Variants in DNAH6 observed in about 807,000 individuals in gnomAD.
DNAH6 encodes the protein axonemal beta dynein heavy chain 6.
A neutral mutation model predicts 491.4 loss-of-function variants in DNAH6; 340 were observed. The ratio of observed to expected loss-of-function variants is 0.69; its 90% CI spans 0.63 to 0.76. The LOEUF is 0.76. Among genes scored for constraint, DNAH6 ranks in the 30% least tolerant of loss-of-function variants. The pLI, the probability that DNAH6 is intolerant of heterozygous loss-of-function variation, is 0.00. For synonymous variants in DNAH6, 1,603 were observed against 1,686.1 expected, an observed-to-expected ratio of 0.95 and a Z score of 1.21; for missense variants, 4,443 against 4,972.2, an observed-to-expected ratio of 0.89 and a Z score of 3.20.
intron 64 of DNAH6, among the ~76,000 whole-genome samples, chr2:84,776,708 T>C (rs1354191193): frequency 1.3e-5 from 2 of 152,234 alleles, no homozygotes; most frequent in African/African-American, 4.8e-5. Context: ...CCTGACTTTT[T>C]AATGATACCA....
chr2:84,564,746 T>C (rs943122802), intron 11 of DNAH6, among the ~76,000 whole-genome samples: 10 of 152,128 alleles, frequency 6.6e-5, no homozygotes, highest in Non-Finnish European at 1.3e-4. Context: ...GTGGTAAGGG[T>C]GAGCATCCTT....
At chr2:84,485,680 C>T in the DNAH6 span, among the ~76,000 whole-genome samples, 2 of 152,062 alleles carry the variant, frequency 1.3e-5, no homozygotes, top group Non-Finnish European at 2.9e-5. Context: ...CCCTCCCAAA[C>T]TCTTCCTAAA....
chr2:84,566,946 T>C (rs760012022), intron 11 of DNAH6, among the ~76,000 whole-genome samples: 7 of 152,020 alleles, frequency 4.6e-5, no homozygotes, highest in Non-Finnish European at 8.8e-5. Flanking sequence ...TAAAATTAGA[T>C]CTATGGTTCA....
intron 70 of DNAH6, among the ~76,000 whole-genome samples, chr2:84,801,701 C>T (rs7556750): frequency 0.021 from 3,214 of 151,826 alleles, 114 homozygotes; most frequent in African/African-American, 0.073. Flanking sequence ...CTGGGCAACA[C>T]GGTGAAATCC....
intron 74 of DNAH6, 64 bp downstream of exon 74, chr2:84,813,194 A>C: frequency 8.3e-7 from 1 of 1,208,134 alleles, no homozygotes; most frequent in South Asian, 1.3e-5. Flanking sequence ...CAGGGTTTTG[A>C]GGTGCTGGGG....
At chr2:84,694,536 G>T in intron 46 of DNAH6, 56 bp downstream of exon 46, 1 of 1,303,556 alleles carries the variant, frequency 7.7e-7, no homozygotes. Flanking sequence ...TGTTACAATC[G>T]GGTGTGTGCT....
chr2:84,681,325 C>G, intron 41 of DNAH6, 32 bp from the exon 42 acceptor site: 1 of 1,463,802 alleles, frequency 6.8e-7, no homozygotes, highest in Non-Finnish European at 9.1e-7. Context: ...TAAAATAAAT[C>G]TAATCCTCTC....
At chr2:84,511,347 T>TCCATGGGCATAGGACTCTCCAAG in the DNAH6 span, among the ~76,000 whole-genome samples, 1 of 146,736 alleles carries the variant, frequency 6.8e-6, no homozygotes, top group Non-Finnish European at 1.5e-5. Flanking sequence ...TGAGTGAGGC[T>TCCATGGGCATAGGACTCTCCAAG]CCATGGGCAT....
At chr2:84,636,918 T>C (rs1372062291) in intron 30 of DNAH6, among the ~76,000 whole-genome samples, 1 of 151,378 alleles carries the variant, frequency 6.6e-6, no homozygotes, top group Admixed American at 6.6e-5. Flanking sequence ...GAAAGTTGAA[T>C]TGAAGAGGCT....
chr2:84,601,635 T>C (rs79481020), intron 18 of DNAH6, among the ~76,000 whole-genome samples: 1,733 of 29,774 alleles, frequency 0.058, 32 homozygotes, highest in African/African-American at 0.21. Context: ...TAGCATAGAA[T>C]TGATTCCTAT....
the DNAH6 span, among the ~76,000 whole-genome samples, chr2:84,476,790 T>C: frequency 6.6e-6 from 1 of 152,222 alleles, no homozygotes; most frequent in Admixed American, 6.5e-5. Flanking sequence ...TACAGAGTGT[T>C]AACAAATTCT....
Position 84,529,006 on chromosome 2 carries a change from C to T in DNAH6, c.502C>T (p.Pro168Ser), listed in dbSNP as rs1345803200. 1 of 1,551,068 alleles carries T rather than the reference C, an allele frequency of 6.4e-7. No homozygotes were observed. Among genetic ancestry groups the T allele is most frequent in the Admixed American group, 2.0e-5 (1 of 50,954 alleles). Residue 168 changes from proline (P) to serine (S), a missense_variant, in exon 4 of 77, where the codon CCT becomes TCT. Pro to Ser is a moderately conservative substitution (Grantham distance 74). Coordinates refer to ENST00000389394, the MANE Select transcript of DNAH6 (RefSeq NM_001370.2). ...CTTTGGGACTAGATCTTCAGCTTAC[C>T]CTAAGTACACTTTTCACGACCGAGA... Reference protein sequence around the residue: ...GLFGTRSSAYPKYTFHDREEV... With the variant: ...GLFGTRSSAYSKYTFHDREEV...
In DNAH6 at chr2:84,658,429, A is replaced by T. The variant is rs1323421804; in HGVS notation, c.5895A>T (p.Leu1965Phe). The stretch of plus-strand genomic sequence containing the variant: ...GCAAAGTTACTACACTCTGTTGCTT[A>T]TTGGAGTCCTTGATACTTGGGAAAG... ...DISKVTTLCC[L>F]LESLILGKDG... The change falls in exon 36 of 77, where the codon TTA becomes TTT. Residue 1965 changes from leucine (L) to phenylalanine (F), a missense_variant. Physicochemically the swap from Leu to Phe is conservative, Grantham distance 22 (BLOSUM62 0). Around this residue, in one of 3 missense-constraint regions of DNAH6, gnomAD observed 2,977 missense variants for 3,296.6 expected, o/e 0.90. Coordinates refer to ENST00000389394, the MANE Select transcript of DNAH6 (RefSeq NM_001370.2). The T allele has an allele frequency of 6.5e-7, 1 of 1,542,474 alleles. No individual in the cohort carries two copies. The highest frequency in any genetic ancestry group is 2.5e-5 in the East Asian group (1 of 40,482).
At chr2:84,674,378 GAGC>G (rs1693027578) in intron 40 of DNAH6, among the ~76,000 whole-genome samples, 1 of 152,186 alleles carries the variant, frequency 6.6e-6, no homozygotes, top group East Asian at 1.9e-4. Context: ...AATCCAGGTA[GAGC>G]ACTTTCTGTC....
intron 40 of DNAH6, among the ~76,000 whole-genome samples, chr2:84,675,903 G>A (rs567278666): frequency 3.9e-5 from 6 of 152,140 alleles, no homozygotes; most frequent in South Asian, 2.1e-4. Flanking sequence ...CAAGTGATCC[G>A]CCTGCCTCAG....
chr2:84,609,662 A>C (rs1686135389), intron 21 of DNAH6, among the ~76,000 whole-genome samples: 1 of 141,524 alleles, frequency 7.1e-6, no homozygotes, highest in Admixed American at 7.3e-5. Flanking sequence ...ACAGATCACC[A>C]TAACAGATAT....
At chr2:84,485,405 G>A in the DNAH6 span, among the ~76,000 whole-genome samples, 2 of 151,992 alleles carry the variant, frequency 1.3e-5, no homozygotes, top group African/African-American at 2.4e-5. Flanking sequence ...AAGGAGACTG[G>A]GGCCTTTGGG....
At chr2:84,655,245 C>T (rs1573376090) in intron 35 of DNAH6, among the ~76,000 whole-genome samples, 2 of 152,110 alleles carry the variant, frequency 1.3e-5, no homozygotes, top group Admixed American at 1.3e-4. Context: ...AAAGAAAACT[C>T]ATTTACATCC....
At position 84,593,985 on chromosome 2, in the gene DNAH6, A is replaced by G. The variant is rs765819203; in HGVS notation, c.2624A>G (p.Lys875Arg). Residue 875 changes from lysine (K) to arginine (R), a missense_variant, in exon 17 of 77, where the codon AAG (lysine) becomes AGG (arginine). This residue lies in a region of DNAH6 where 2,977 missense variants were observed against 3,296.6 expected (regional missense o/e 0.90). Coordinates refer to ENST00000389394, the MANE Select transcript of DNAH6 (RefSeq NM_001370.2). The stretch of plus-strand genomic sequence containing the variant: ...ACATTTTTAAAGGTAGAAGTGTCCA[A>G]GTTTGAAGCTTTGGAAGAAGTCAGT... ...YQKNFKVEVS[K>R]FEALEEVSAE... is the part of the protein sequence containing the mutation. 6.5e-7 allele frequency: 1 copy of G among 1,547,238 alleles called. No individual in the cohort carries two copies. The highest frequency in any genetic ancestry group is 8.7e-7 in the Non-Finnish European group (1 of 1,144,694).
Sources: allele counts gnomAD v4.1 joint callset (sites outside exome capture counted in the v4.1 genomes callset), GRCh38; gene constraint gnomAD v4.1.1; regional missense constraint gnomAD v4.1.1; transcripts MANE v1.5; gene names NCBI Gene and HGNC (gene_info 2026-07-23, HGNC 2026-07-21).